Variants in PICALM observed in about 807,000 individuals in gnomAD.
PICALM encodes phosphatidylinositol-binding clathrin assembly protein.
Under a neutral mutation model 80.5 loss-of-function variants are expected in PICALM, and 40 were observed. That is an observed-to-expected ratio of 0.50 (90% confidence interval 0.39 to 0.65). PICALM has a LOEUF of 0.65. Among genes scored for constraint, PICALM ranks in the 30% least tolerant of loss-of-function variants. PICALM has a pLI of 0.00. For missense variants in PICALM, 676 were observed against 778.9 expected (o/e 0.87, Z 1.57); for synonymous variants, 288 against 260.3 (o/e 1.11, Z -1.02).
At chr11:85,975,465 A>C (rs2094247938) in intron 18 of PICALM, among the ~76,000 whole-genome samples, 1 of 152,138 alleles carries the variant, frequency 6.6e-6, no homozygotes, top group African/African-American at 2.4e-5. Context: ...CAAACAGAAT[A>C]CTGTTTTGGT....
intron 4 of PICALM, among the ~76,000 whole-genome samples, chr11:86,018,551 C>T (rs1041482399): frequency 6.6e-6 from 1 of 152,018 alleles, no homozygotes; most frequent in African/African-American, 2.4e-5. Flanking sequence ...GGGAATAAAT[C>T]AGATGTACAC....
At chr11:86,026,921 TAC>T (rs2095657637) in intron 2 of PICALM, among the ~76,000 whole-genome samples, 1 of 152,222 alleles carries the variant, frequency 6.6e-6, no homozygotes, top group Admixed American at 6.5e-5. Context: ...GAAACAGGTA[TAC>T]GTTACTTTCA....
At chr11:86,030,520 C>G (rs2095733161) in intron 2 of PICALM, among the ~76,000 whole-genome samples, 1 of 152,192 alleles carries the variant, frequency 6.6e-6, no homozygotes, top group African/African-American at 2.4e-5. Flanking sequence ...TAGTTCTACT[C>G]AGATGTTCTT....
At position 86,014,911 on chromosome 11, in the gene PICALM, G is replaced by C; in HGVS notation, c.505C>G (p.Pro169Ala). 6.3e-7 allele frequency: 1 copy of C among 1,591,080 alleles called. No individual in the cohort carries two copies. Among genetic ancestry groups the C allele is most frequent in the East Asian group, 2.3e-5 (1 of 43,972 alleles). Reference sequence around the variant, plus strand: ...GCATCCATCTGATTCTGAATAATTGGTACAGTTTTTAGGAGTTTTTCTGTG... The same window carrying C: ...GCATCCATCTGATTCTGAATAATTGCTACAGTTTTTAGGAGTTTTTCTGTG... Reference protein sequence around the residue: ...MNTEKLLKTVPIIQNQMDALL... With the variant: ...MNTEKLLKTVAIIQNQMDALL... The change falls in exon 5 of 20, where the codon CCA (proline) becomes GCA (alanine). Residue 169 changes from proline to alanine, a missense_variant. Pro to Ala is a conservative substitution (Grantham distance 27). This residue lies in a region of PICALM where 285 missense variants were observed against 395.4 expected (regional missense o/e 0.72). Transcript: ENST00000393346.
intron 1 of PICALM, among the ~76,000 whole-genome samples, chr11:86,039,746 G>A (rs2095915944): frequency 6.6e-6 from 1 of 152,028 alleles, no homozygotes; most frequent in Non-Finnish European, 1.5e-5. Flanking sequence ...ACTTTAAAAA[G>A]CAACAAAATC....
intron 6 of PICALM, among the ~76,000 whole-genome samples, chr11:86,011,914 G>A (rs1174283522): frequency 6.8e-6 from 1 of 147,284 alleles, no homozygotes; most frequent in African/African-American, 2.5e-5. Flanking sequence ...ACAATGGCAC[G>A]ATCTAGGCTC....
chr11:86,048,919 G>A (rs2096127065), intron 1 of PICALM, among the ~76,000 whole-genome samples: 1 of 151,746 alleles, frequency 6.6e-6, no homozygotes, highest in South Asian at 2.1e-4. Context: ...ACTTCAATAA[G>A]GAAATGTACA....
chr11:85,976,530 G>A (rs1745825658), intron 18 of PICALM, 93 bp downstream of exon 18: 2 of 764,028 alleles, frequency 2.6e-6, no homozygotes, highest in South Asian at 1.5e-5. Context: ...AGTATGAGGA[G>A]CACTAAATTC....
chr11:86,021,962 A>G (rs1034579074), intron 4 of PICALM, among the ~76,000 whole-genome samples: 2 of 152,238 alleles, frequency 1.3e-5, no homozygotes, highest in African/African-American at 2.4e-5. Flanking sequence ...TGTTCAGAAT[A>G]GACAAGCCCA....
intron 13 of PICALM, among the ~76,000 whole-genome samples, chr11:85,985,599 A>G (rs2094551255): frequency 6.6e-6 from 1 of 152,198 alleles, no homozygotes; most frequent in Non-Finnish European, 1.5e-5. Context: ...TAGACTTACC[A>G]ATTTAATAAT....
chr11:85,978,560 A>G (rs1565259964), intron 17 of PICALM: 2 of 152,246 alleles, frequency 1.3e-5, no homozygotes, highest in South Asian at 4.1e-4. Context: ...AAGGTTAGAA[A>G]TGTAAAGAAA....
chr11:85,964,854 T>C (rs1220968963), intron 19 of PICALM, among the ~76,000 whole-genome samples: 1 of 152,186 alleles, frequency 6.6e-6, no homozygotes, highest in Non-Finnish European at 1.5e-5. Context: ...AAAATTAAAA[T>C]GCCTTTTGGT....
chr11:85,960,883 C>A, intron 19 of PICALM: 1 of 391,208 alleles, frequency 2.6e-6, no homozygotes, highest in South Asian at 2.4e-5. Context: ...GTTTTGTCAT[C>A]TTTAATAAAT....
intron 3 of PICALM, among the ~76,000 whole-genome samples, chr11:86,024,456 T>A (rs1241204307): frequency 6.9e-6 from 1 of 145,618 alleles, no homozygotes; most frequent in East Asian, 1.9e-4. Flanking sequence ...TTTTTTTTTT[T>A]ACACCTCCAG....
At chr11:86,001,823 C>G (rs1329678482) in intron 9 of PICALM, among the ~76,000 whole-genome samples, 2 of 152,214 alleles carry the variant, frequency 1.3e-5, no homozygotes, top group African/African-American at 2.4e-5. Flanking sequence ...AACGTATCCA[C>G]ACTATAAACC....
chr11:85,983,120 C>G (rs940535247), intron 14 of PICALM, among the ~76,000 whole-genome samples: 9 of 152,090 alleles, frequency 5.9e-5, no homozygotes, highest in African/African-American at 1.9e-4. Context: ...AGGCTTGCTT[C>G]TTAGTTTTTG....
At chr11:86,043,778 A>C (rs1271410880) in intron 1 of PICALM, among the ~76,000 whole-genome samples, 1 of 152,222 alleles carries the variant, frequency 6.6e-6, no homozygotes, top group African/African-American at 2.4e-5. Flanking sequence ...TTTTTCGTTA[A>C]GAGCCAAACC....
chr11:86,002,129 T>C (rs2095161950), intron 9 of PICALM, among the ~76,000 whole-genome samples: 1 of 152,156 alleles, frequency 6.6e-6, no homozygotes, highest in Non-Finnish European at 1.5e-5. Flanking sequence ...TTCAGGTAAA[T>C]TGGTGCACCT....
At chr11:86,015,012 C>T (rs1320989368) in intron 4 of PICALM, 49 bp from the exon 5 acceptor site, 2 of 1,131,548 alleles carry the variant, frequency 1.8e-6, no homozygotes, top group South Asian at 2.8e-5. Flanking sequence ...GCAATTAAAT[C>T]TACATTTCAA....
Sources: gnomAD v4.1 joint callset for allele counts (sites outside exome capture counted in the v4.1 genomes callset) on GRCh38, gnomAD v4.1.1 for gene constraint, gnomAD v4.1.1 regional missense constraint, MANE v1.5 for transcripts, NCBI Gene and HGNC (gene_info 2026-07-23, HGNC 2026-07-21) for gene names.